The following ZNF532 variants were observed in gnomAD, a reference collection of about 807,000 sequenced individuals.
The protein encoded by ZNF532 is zinc finger protein 532.
In ZNF532, 22 loss-of-function variants were observed where a neutral mutation model predicts 89.3. That is an observed-to-expected ratio of 0.25 (90% confidence interval 0.18 to 0.35). The LOEUF is 0.35. Among genes scored for constraint, ZNF532 ranks in the 10% least tolerant of loss-of-function variants. The pLI, the probability that ZNF532 is intolerant of heterozygous loss-of-function variation, is 1.00. For synonymous variants in ZNF532, 606 were observed against 649.6 expected, an observed-to-expected ratio of 0.93 and a Z score of 1.02; for missense variants, 1,132 against 1,643.4, an observed-to-expected ratio of 0.69 and a Z score of 5.38.
At chr18:58,975,280 G>A (rs1053895978) in intron 7 of ZNF532, among the ~76,000 whole-genome samples, 7 of 152,202 alleles carry the variant, frequency 4.6e-5, no homozygotes, top group Non-Finnish European at 7.3e-5. Flanking sequence ...CATGGTGGTC[G>A]TTAAGGAGGC....
chr18:58,961,524 C>G (rs1463116117), intron 7 of ZNF532, among the ~76,000 whole-genome samples: 1 of 152,186 alleles, frequency 6.6e-6, no homozygotes, highest in Non-Finnish European at 1.5e-5. Flanking sequence ...TGATGCACAA[C>G]ACGAGTCATT....
chr18:58,923,249 A>T (rs968614644), intron 3 of ZNF532, among the ~76,000 whole-genome samples: 14 of 151,640 alleles, frequency 9.2e-5, no homozygotes, highest in African/African-American at 3.4e-4. Flanking sequence ...TGCATAGCCA[A>T]GCACTGCAGG....
intron 7 of ZNF532, among the ~76,000 whole-genome samples, chr18:58,966,378 A>G (rs2065914683): frequency 6.6e-6 from 1 of 152,136 alleles, no homozygotes; most frequent in Admixed American, 6.5e-5. Flanking sequence ...GGTGTTTATA[A>G]TTTGTTTCTA....
intron 7 of ZNF532, among the ~76,000 whole-genome samples, chr18:58,959,263 T>TC (rs1282716402): frequency 1.4e-5 from 2 of 147,140 alleles, no homozygotes; most frequent in African/African-American, 5.2e-5. Context: ...GTTTTTTGTT[T>TC]TTTTTTGTTT....
intron 2 of ZNF532, among the ~76,000 whole-genome samples, chr18:58,899,725 C>G (rs2059480116): frequency 6.6e-6 from 1 of 152,206 alleles, no homozygotes; most frequent in South Asian, 2.1e-4. Context: ...CCTCGGCCTC[C>G]CAATATGCTG....
intron 2 of ZNF532, among the ~76,000 whole-genome samples, chr18:58,908,572 G>T (rs140919661): frequency 6.6e-6 from 1 of 152,190 alleles, no homozygotes; most frequent in East Asian, 1.9e-4. Context: ...ATACAGTAAG[G>T]CATCTTTTTG....
chr18:58,974,014 G>C (rs1295465871), intron 7 of ZNF532, among the ~76,000 whole-genome samples: 1 of 152,126 alleles, frequency 6.6e-6, no homozygotes, highest in Non-Finnish European at 1.5e-5. Flanking sequence ...AGGGCACGTG[G>C]GAATTTTGGG....
intron 7 of ZNF532, among the ~76,000 whole-genome samples, chr18:58,959,617 G>A (rs1457961830): frequency 6.6e-6 from 1 of 152,112 alleles, no homozygotes; most frequent in African/African-American, 2.4e-5. Flanking sequence ...GAAGAGCCTG[G>A]GAGACTTGGG....
chr18:58,867,970 G>T (rs2056631890), intron 2 of ZNF532, among the ~76,000 whole-genome samples: 1 of 152,190 alleles, frequency 6.6e-6, no homozygotes, highest in Non-Finnish European at 1.5e-5. Context: ...CTTGTCAGTA[G>T]AATCTTCTGA....
At chr18:58,933,882 C>T (rs2062157398) in intron 3 of ZNF532, among the ~76,000 whole-genome samples, 1 of 152,048 alleles carries the variant, frequency 6.6e-6, no homozygotes, top group Non-Finnish European at 1.5e-5. Context: ...TATATCATGG[C>T]CAGATCATCC....
At position 58,969,225 on chromosome 18, in the gene ZNF532, A is replaced by C. The variant is rs1401961266; in HGVS notation, c.3151-9830A>C. ...CACCTCGAGTTGTGAGTGAGAACACAGTCTTACTGCTTGGCAGGAGGAGAG... is the reference window on the plus strand; with the variant it reads ...CACCTCGAGTTGTGAGTGAGAACACCGTCTTACTGCTTGGCAGGAGGAGAG... On this transcript the variant is annotated intron_variant, in intron 7 of 9. Transcript: ENST00000591808. Among the ~76,000 whole-genome samples, 3 of 152,186 alleles carry C rather than the reference A, an allele frequency of 2.0e-5. No individual in the cohort carries two copies. In the East Asian group the frequency reaches 5.8e-4, roughly 29 times the overall value.
chr18:58,885,301 G>A (rs552379077), intron 2 of ZNF532, among the ~76,000 whole-genome samples: 1 of 152,108 alleles, frequency 6.6e-6, no homozygotes, highest in African/African-American at 2.4e-5. Flanking sequence ...GTGTTTTTTT[G>A]TTTTTGTTTT....
chr18:58,969,426 G>A (rs915672227), intron 7 of ZNF532, among the ~76,000 whole-genome samples: 1 of 152,116 alleles, frequency 6.6e-6, no homozygotes, highest in Non-Finnish European at 1.5e-5. Context: ...AATCAACACC[G>A]ACACGGAGCA....
At chr18:58,983,625 C>CATCCCACCCTGCTTGGCTG (rs976556637) in intron 9 of ZNF532, among the ~76,000 whole-genome samples, 4 of 152,132 alleles carry the variant, frequency 2.6e-5, no homozygotes, top group Non-Finnish European at 4.4e-5. Context: ...CCATGGCCCT[C>CATCCCACCCTGCTTGGCTG]ATCCCACCCT....
chr18:58,960,309 C>G (rs779976210), intron 7 of ZNF532, among the ~76,000 whole-genome samples: 1 of 152,168 alleles, frequency 6.6e-6, no homozygotes, highest in Non-Finnish European at 1.5e-5. Flanking sequence ...CTTGGCCTTC[C>G]AAAGTGTCGG....
At chr18:58,930,126 AG>A (rs1226082210) in intron 3 of ZNF532, among the ~76,000 whole-genome samples, 2 of 152,146 alleles carry the variant, frequency 1.3e-5, no homozygotes, top group Non-Finnish European at 2.9e-5. Flanking sequence ...TACCTCTCCC[AG>A]GCTACTTTTC....
chr18:58,904,738 C>T (rs550979373), intron 2 of ZNF532, among the ~76,000 whole-genome samples: 22 of 152,244 alleles, frequency 1.4e-4, no homozygotes, highest in Admixed American at 9.2e-4. Context: ...TTATCATCTC[C>T]GGCCACAGAC....
At position 58,942,773 on chromosome 18, in the gene ZNF532, A is replaced by G. The variant is rs574907247; in HGVS notation, c.2705+3152A>G. 7.9e-5 allele frequency among the ~76,000 whole-genome samples: 12 copies of G among 152,368 alleles called. No individual in the cohort carries two copies. The South Asian group carries it at 2.3e-3, about 29-fold the overall frequency. ...ATCTCTATTCTGTTTACATAAGTCC[A>G]AAATGACTAAATAGTCCCAGCTCAG... On this transcript the variant is annotated intron_variant, in intron 5 of 9. Coordinates refer to ENST00000591808, the MANE Select transcript of ZNF532 (RefSeq NM_001375912.1).
chr18:58,958,386 A>G (rs12457643), intron 7 of ZNF532, among the ~76,000 whole-genome samples: 31,546 of 152,248 alleles, frequency 0.21, 4,274 homozygotes, highest in Middle Eastern at 0.37. Flanking sequence ...CAAATTCTAT[A>G]TACAGAAAGC....
Sources: gnomAD v4.1 joint callset for allele counts (sites outside exome capture counted in the v4.1 genomes callset) on GRCh38, gnomAD v4.1.1 for gene constraint, MANE v1.5 for transcripts, NCBI Gene and HGNC (gene_info 2026-07-23, HGNC 2026-07-21) for gene names.